The following PIR variants were observed in gnomAD, a reference collection of about 807,000 sequenced individuals.
The protein encoded by PIR is pirin (iron-binding nuclear protein).
Under a neutral mutation model 24.2 loss-of-function variants are expected in PIR, and 22 were observed. The observed-to-expected ratio is 0.91, with a 90% CI of 0.65 to 1.30. The LOEUF (loss-of-function observed/expected upper bound fraction) is 1.30, where lower values mean the gene tolerates loss of function less well. Ranked by LOEUF, PIR falls within the 50% of genes most tolerant of loss-of-function variation. PIR has a pLI of 0.00. For missense variants in PIR, 220 were observed against 220.3 expected (o/e 1.00, Z 0.01); for synonymous variants, 80 against 79.6 (o/e 1.00, Z -0.03).
rs377030345 is a variant in PIR, at chrX:15,477,833, C to A, written c.189+1896G>T. Among the ~76,000 whole-genome samples, 21 of 112,093 alleles carry A rather than the reference C, an allele frequency of 1.9e-4. No individual in the cohort carries two copies. In the East Asian group the frequency reaches 5.6e-3, roughly 30 times the overall value. On this transcript the variant is annotated intron_variant, in intron 3 of 9. Transcript: ENST00000380420. ...CTCTACACATGCCCACAAATTACTA[C>A]AAAAGCACCACAGGTACTGATTTGG...
chrX:15,454,717 G>C lies in PIR; in HGVS notation c.480+1131C>G, dbSNP rs142354297. On this transcript the variant is annotated intron_variant, in intron 5 of 9. Transcript: ENST00000380420. ...TTTAAGTGCTGGTTGTGCACTGGGA[G>C]AATGGCAGAGTAACTCCCACTATCT... is the stretch of plus-strand genomic sequence containing the variant. 2.8e-3 allele frequency among the ~76,000 whole-genome samples: 317 copies of C among 111,595 alleles called. 2 individuals are homozygous for C. Among genetic ancestry groups the C allele is most frequent in the African/African-American group, 9.9e-3 (303 of 30,701 alleles).
At chrX:15,412,947 C>T (rs956214729) in intron 6 of PIR, among the ~76,000 whole-genome samples, 2 of 112,115 alleles carry the variant, frequency 1.8e-5, no homozygotes, top group African/African-American at 6.5e-5. Flanking sequence ...CTTCAAGCCT[C>T]TTTGCTGGTT....
At chrX:15,470,482 G>A (rs908014651) in intron 3 of PIR, among the ~76,000 whole-genome samples, 2 of 109,734 alleles carry the variant, frequency 1.8e-5, no homozygotes, top group Non-Finnish European at 3.8e-5. Flanking sequence ...CTTATTTCTC[G>A]TTTCACTTGA....
At chrX:15,409,561 C>T (rs978018704) in intron 6 of PIR, among the ~76,000 whole-genome samples, 3 of 111,214 alleles carry the variant, frequency 2.7e-5, no homozygotes, top group Non-Finnish European at 3.8e-5. Context: ...AAAACACACA[C>T]TAATAATTTA....
intron 5 of PIR, among the ~76,000 whole-genome samples, chrX:15,442,950 T>G (rs762256483): frequency 3.4e-4 from 38 of 112,728 alleles, no homozygotes; most frequent in Non-Finnish European, 5.4e-4. Flanking sequence ...AGATCACTGA[T>G]GAAGGTGGCT....
At chrX:15,467,831 A>G (rs1921682098) in intron 3 of PIR, among the ~76,000 whole-genome samples, 1 of 111,799 alleles carries the variant, frequency 8.9e-6, no homozygotes, top group South Asian at 3.7e-4. Context: ...TACTCAAAAG[A>G]GCTGAATTAC....
intron 2 of PIR, among the ~76,000 whole-genome samples, chrX:15,484,857 C>T (rs1489852142): frequency 8.9e-6 from 1 of 111,876 alleles, no homozygotes; most frequent in African/African-American, 3.3e-5. Flanking sequence ...GTACACAAAG[C>T]GTTGAGAGAC....
intron 3 of PIR, among the ~76,000 whole-genome samples, chrX:15,463,077 T>C (rs946455361): frequency 1.8e-5 from 2 of 111,628 alleles, no homozygotes; most frequent in Non-Finnish European, 3.8e-5. Context: ...AAAGCAAGTG[T>C]CCTCTTTCTC....
chrX:15,472,415 C>T lies in PIR; in HGVS notation c.189+7314G>A, dbSNP rs765111750. 1.3e-4 allele frequency among the ~76,000 whole-genome samples: 15 copies of T among 111,682 alleles called. No individual in the cohort carries two copies. In the Admixed American group the frequency reaches 1.4e-3, roughly 11 times the overall value. ...TGTAAATGGAAACAACCCAAGTGTC[C>T]ACCAATGGATGACCGGATAACAAAA... is the stretch of plus-strand genomic sequence containing the variant. On this transcript the variant is annotated intron_variant, in intron 3 of 9. Coordinates refer to ENST00000380420, the MANE Select transcript of PIR (RefSeq NM_001018109.3).
At chrX:15,461,062 A>G (rs1921279752) in intron 3 of PIR, among the ~76,000 whole-genome samples, 2 of 111,692 alleles carry the variant, frequency 1.8e-5, no homozygotes, top group Non-Finnish European at 3.8e-5. Context: ...TGCATCCCTG[A>G]GCCTGCCAGA....
chrX:15,418,327 TC>T (rs773183725), intron 6 of PIR, among the ~76,000 whole-genome samples: 19 of 111,996 alleles, frequency 1.7e-4, no homozygotes, highest in Non-Finnish European at 3.0e-4. Context: ...ACTGATATTT[TC>T]CTAGAAATAT....
Position 15,384,948 on chromosome X carries a change from A to T in PIR, c.*56T>A, listed in dbSNP as rs1923687199. On this transcript the variant is annotated 3_prime_UTR_variant, in exon 10 of 10. Transcript: ENST00000380420. ...AGAAATGGAATGCCTTCAATGGCTCAATCTCAGAAATGGCAAAATTCTAGG... is the reference window on the plus strand; with the variant it reads ...AGAAATGGAATGCCTTCAATGGCTCTATCTCAGAAATGGCAAAATTCTAGG... The T allele has an allele frequency of 4.9e-6, 3 of 612,717 alleles. No homozygotes were observed. The highest frequency in any genetic ancestry group is 5.1e-5 in the South Asian group (2 of 39,400). The allele number at this position is 612,717 out of a possible 1,213,427, so 50.5% of individuals were successfully genotyped here.
chrX:15,390,376 A>G, intron 8 of PIR, 125 bp from the exon 9 acceptor site: 1 of 353,850 alleles, frequency 2.8e-6, no homozygotes, highest in Non-Finnish European at 4.7e-6. Context: ...ATAATTTTCA[A>G]AAATATTTTC....
chrX:15,461,615 T>C (rs1388968843), intron 3 of PIR, among the ~76,000 whole-genome samples: 1 of 111,396 alleles, frequency 9.0e-6, no homozygotes, highest in Non-Finnish European at 1.9e-5. Context: ...ACCCTGTCTC[T>C]ACTAAAACTA....
At chrX:15,397,023 A>G (rs922973432) in intron 8 of PIR, among the ~76,000 whole-genome samples, 23 of 112,442 alleles carry the variant, frequency 2.0e-4, no homozygotes, top group Non-Finnish European at 3.8e-4. Flanking sequence ...TACAGGCGTG[A>G]GCCACCACGC....
chrX:15,402,489 T>C lies in PIR; in HGVS notation c.611-4958A>G, dbSNP rs185968320. On this transcript the variant is annotated intron_variant, in intron 7 of 9. Transcript: ENST00000380420. ...ATCACATCGTGGAGCATGGGGAGTA[T>C]CCATCCCCTCAAGCATTTATACTTT... 3.3e-3 allele frequency among the ~76,000 whole-genome samples: 373 copies of C among 111,682 alleles called. 3 individuals are homozygous for C. In the South Asian group the frequency reaches 0.047, roughly 14 times the overall value.
intron 8 of PIR, among the ~76,000 whole-genome samples, chrX:15,396,444 T>TCATC (rs1396239625): frequency 8.9e-6 from 1 of 111,833 alleles, no homozygotes; most frequent in African/African-American, 3.3e-5. Context: ...TCGGCACTAG[T>TCATC]CATCCACACA....
At chrX:15,389,201 T>G (rs1277610091) in intron 9 of PIR, among the ~76,000 whole-genome samples, 1 of 112,216 alleles carries the variant, frequency 8.9e-6, no homozygotes, top group Non-Finnish European at 1.9e-5. Flanking sequence ...GAAGGCTTTT[T>G]CCAGAAAAAC....
chrX:15,489,060 T>C (rs1276871280), intron 2 of PIR, among the ~76,000 whole-genome samples: 1 of 112,178 alleles, frequency 8.9e-6, no homozygotes, highest in Non-Finnish European at 1.9e-5. Context: ...ATTATGAATG[T>C]AGTCAATGCA....
Sources: gnomAD v4.1 joint callset for allele counts (sites outside exome capture counted in the v4.1 genomes callset) on GRCh38, gnomAD v4.1.1 for gene constraint, MANE v1.5 for transcripts, NCBI Gene and HGNC (gene_info 2026-07-23, HGNC 2026-07-21) for gene names.